PLB1: variants seen among roughly 807,000 people sequenced by gnomAD.
PLB1 encodes phospholipase B1, membrane-associated.
In PLB1, 242 loss-of-function variants were observed where a neutral mutation model predicts 227.4. The observed-to-expected ratio is 1.06, with a 90% confidence interval of 0.96 to 1.18. The LOEUF (loss-of-function observed/expected upper bound fraction) is 1.18, where lower values mean the gene tolerates loss of function less well. PLB1 is among the 50% of genes most tolerant of loss of function. The probability of loss-of-function intolerance (pLI) is 0.00; values close to 1 mark genes in which losing one functional copy is unlikely to be tolerated. For synonymous variants in PLB1, 757 were observed against 682.2 expected, an observed-to-expected ratio of 1.11 and a Z score of -1.71; for missense variants, 1,858 against 1,816.3, an observed-to-expected ratio of 1.02 and a Z score of -0.42.
chr2:28,591,062 C>G (rs199673564), intron 29 of PLB1, 71 bp from the exon 30 acceptor site: 12 of 1,592,686 alleles, frequency 7.5e-6, no homozygotes, highest in Non-Finnish European at 1.0e-5. Context: ...CAGGCCGACA[C>G]TTAACTGAGT....
chr2:28,613,125 A>G (rs376715158), intron 43 of PLB1, among the ~76,000 whole-genome samples: 1 of 151,840 alleles, frequency 6.6e-6, no homozygotes, highest in East Asian at 1.9e-4. Flanking sequence ...GGGTCTTGCT[A>G]TGCTTCCCAA....
intron 21 of PLB1, among the ~76,000 whole-genome samples, chr2:28,577,795 G>A (rs535672922): frequency 7.9e-5 from 12 of 152,170 alleles, no homozygotes; most frequent in Non-Finnish European, 1.2e-4. Flanking sequence ...AGCTGAGATC[G>A]TGCCGCTGCA....
chr2:28,620,291 C>T lies in PLB1; in HGVS notation c.3342C>T (p.Asn1114=). ...CAGCAGTGGGAGCTCGACCAAACAA[C>T]TCCAGTGACCTACCCACATCTTGGA... ...LTTAVGARPN[N]SSDLPTSWRG... Residue 1114 remains asparagine (N), a synonymous_variant, in exon 47 of 58, where the codon AAC becomes AAT. Coordinates refer to ENST00000327757, the MANE Select transcript of PLB1 (RefSeq NM_153021.5). 1 of 1,606,204 alleles carries T rather than the reference C, an allele frequency of 6.2e-7. No homozygotes were observed. The highest frequency in any genetic ancestry group is 1.1e-5 in the South Asian group (1 of 89,884).
chr2:28,507,150 T>C (rs1667725210), intron 1 of PLB1, among the ~76,000 whole-genome samples: 1 of 152,184 alleles, frequency 6.6e-6, no homozygotes, highest in Admixed American at 6.5e-5. Flanking sequence ...GAGTCAGGGC[T>C]CTGGAACCTG....
chr2:28,598,851 A>G (rs1252871652), intron 35 of PLB1, 91 bp downstream of exon 35: 2 of 1,140,292 alleles, frequency 1.8e-6, no homozygotes, highest in East Asian at 4.7e-5. Context: ...CTCTATGTGC[A>G]AAGGGGCACT....
intron 38 of PLB1, 27 bp downstream of exon 38, chr2:28,601,991 T>C (rs1248068810): frequency 6.4e-7 from 1 of 1,574,136 alleles, no homozygotes; most frequent in Non-Finnish European, 8.7e-7. Context: ...CACAAGCTGG[T>C]AACAGCTCAA....
intron 43 of PLB1, among the ~76,000 whole-genome samples, chr2:28,607,268 G>A (rs564670892): frequency 6.6e-6 from 1 of 152,216 alleles, no homozygotes; most frequent in African/African-American, 2.4e-5. Context: ...AATAAAAGCA[G>A]AAGGCCTGAC....
Position 28,538,395 on chromosome 2 carries a change from C to T in PLB1, c.618+14C>T. On this transcript the variant is annotated intron_variant, in intron 10 of 57. Coordinates refer to ENST00000327757, the MANE Select transcript of PLB1 (RefSeq NM_153021.5). ...CTGCAGCAGGAGGTGAGGCCACGGG[C>T]CTAGGGCTTCCCCAAGGGCAGTGGG... 1 of 1,609,146 alleles carries T rather than the reference C, an allele frequency of 6.2e-7. No homozygotes were observed. The highest frequency in any genetic ancestry group is 8.5e-7 in the Non-Finnish European group (1 of 1,178,468).
chr2:28,529,905 T>C, intron 8 of PLB1, 126 bp downstream of exon 8: 1 of 772,466 alleles, frequency 1.3e-6, no homozygotes, highest in East Asian at 2.6e-5. Context: ...ACCTGGGTTC[T>C]TTAAAAAATG....
In PLB1 at chr2:28,617,709, T is replaced by A. The variant is rs745890283; in HGVS notation, c.3196-18T>A. 8 of 1,613,334 alleles carry A rather than the reference T, an allele frequency of 5.0e-6. No individual in the cohort carries two copies. In the East Asian group the frequency reaches 1.8e-4, roughly 36 times the overall value. On this transcript the variant is annotated intron_variant, in intron 44 of 57. Transcript: ENST00000327757. ...ACAATGAGTGTTGGGCACTGAATCT[T>A]TTCTCCTGTTGATTTAGAACTGGGG... is the stretch of plus-strand genomic sequence containing the variant.
chr2:28,507,558 G>A lies in PLB1; in HGVS notation c.56-9250G>A, dbSNP rs139165716. ...TCACACCTCCTACCACTGCTACATT[G>A]GGGATCAAGTTTCCAACATATGAAT... On this transcript the variant is annotated intron_variant, in intron 1 of 57. Coordinates refer to ENST00000327757, the MANE Select transcript of PLB1 (RefSeq NM_153021.5). 2.4e-4 allele frequency among the ~76,000 whole-genome samples: 36 copies of A among 152,278 alleles called. 1 individual carries two copies. The East Asian group carries it at 6.4e-3, about 27-fold the overall frequency.
intron 23 of PLB1, among the ~76,000 whole-genome samples, chr2:28,580,320 C>G (rs1230026988): frequency 6.6e-6 from 1 of 152,244 alleles, no homozygotes; most frequent in Non-Finnish European, 1.5e-5. Flanking sequence ...GCCCTGTCCT[C>G]AGGAACTTGC....
At position 28,509,051 on chromosome 2, in the gene PLB1, G is replaced by A. The variant is rs151111579; in HGVS notation, c.56-7757G>A. On this transcript the variant is annotated intron_variant, in intron 1 of 57. Coordinates refer to ENST00000327757, the MANE Select transcript of PLB1 (RefSeq NM_153021.5). ...ATAACGACCTCATGAAGAAGACAGG[G>A]AAGCTAGTCCTATTTGCATTTTATA... 5.4e-3 allele frequency among the ~76,000 whole-genome samples: 829 copies of A among 152,272 alleles called. 8 individuals carry two copies. The highest frequency in any genetic ancestry group is 0.019 in the African/African-American group (789 of 41,568).
intron 20 of PLB1, among the ~76,000 whole-genome samples, chr2:28,571,279 A>G (rs1677972070): frequency 6.6e-6 from 1 of 152,224 alleles, no homozygotes; most frequent in Non-Finnish European, 1.5e-5. Context: ...CGCTTTTAAG[A>G]TCACAAAACA....
chr2:28,547,677 C>A (rs1673507925), intron 14 of PLB1, among the ~76,000 whole-genome samples: 1 of 152,066 alleles, frequency 6.6e-6, no homozygotes, highest in Non-Finnish European at 1.5e-5. Flanking sequence ...AGGTGAGGGC[C>A]AGAGGTACGA....
At position 28,626,584 on chromosome 2, in the gene PLB1, C is replaced by G. The variant is rs766825587; in HGVS notation, c.3660+76C>G. 12 of 1,324,188 alleles carry G rather than the reference C, an allele frequency of 9.1e-6. No individual in the cohort carries two copies. In the South Asian group the frequency reaches 1.4e-4, roughly 16 times the overall value. The allele number at this position is 1,324,188 out of a possible 1,614,324, so 82.0% of individuals were successfully genotyped here. A position where few individuals can be genotyped will look rare whatever the true frequency, so the allele number is the denominator to read the frequency against. ...CTGGCAACATCCTTGCCCATCCATC[C>G]CTGGCCCTGCCCCGAGCTCCTTGCT... is the stretch of plus-strand genomic sequence containing the variant. On this transcript the variant is annotated intron_variant, in intron 51 of 57. Coordinates refer to ENST00000327757, the MANE Select transcript of PLB1 (RefSeq NM_153021.5).
chr2:28,542,112 A>C (rs182264828), intron 13 of PLB1, among the ~76,000 whole-genome samples: 156 of 145,260 alleles, frequency 1.1e-3, no homozygotes, highest in African/African-American at 3.8e-3. Context: ...CAGCCTGGGC[A>C]GTAGAACGAG....
intron 1 of PLB1, among the ~76,000 whole-genome samples, chr2:28,505,487 G>A (rs1667542970): frequency 6.6e-6 from 1 of 152,070 alleles, no homozygotes; most frequent in Admixed American, 6.6e-5. Flanking sequence ...TATTTTCCTC[G>A]AATGGGTCAG....
At chr2:28,582,031 A>G (rs750311068) in intron 23 of PLB1, 37 bp from the exon 24 acceptor site, 1 of 1,577,250 alleles carries the variant, frequency 6.3e-7, no homozygotes, top group Non-Finnish European at 8.7e-7. Context: ...AGATTAGGTG[A>G]CAAATGGTGT....
Sources: allele counts gnomAD v4.1 joint callset (sites outside exome capture counted in the v4.1 genomes callset), GRCh38; gene constraint gnomAD v4.1.1; transcripts MANE v1.5; gene names NCBI Gene and HGNC (gene_info 2026-07-23, HGNC 2026-07-21).